Variants in LCT observed in about 807,000 individuals in gnomAD.
The protein encoded by LCT is lactase/phlorizin hydrolase.
A neutral mutation model predicts 173.0 loss-of-function variants in LCT; 90 were observed. The observed-to-expected ratio is 0.52, with a 90% CI of 0.44 to 0.62. The LOEUF is 0.62. Ranked by LOEUF, LCT falls within the 20% of genes least tolerant of loss-of-function variation. LCT has a pLI of 0.00. For missense variants in LCT, 1,864 were observed against 2,431.4 expected, an observed-to-expected ratio of 0.77 and a Z score of 4.91; for synonymous variants, 853 against 957.6, an observed-to-expected ratio of 0.89 and a Z score of 2.02.
At chr2:135,789,845 C>A (rs560128015) in intron 15 of LCT, 47 bp from the exon 16 acceptor site, 1 of 1,513,562 alleles carries the variant, frequency 6.6e-7, no homozygotes, top group Non-Finnish European at 9.2e-7. Flanking sequence ...TCTCATAAGG[C>A]AGCTTCCTGC....
At chr2:135,805,184 C>T (rs2077659569) in intron 9 of LCT, 127 bp from the exon 10 acceptor site, 11 of 925,492 alleles carry the variant, frequency 1.2e-5, no homozygotes, top group South Asian at 9.8e-5. Flanking sequence ...TTAAAACAAG[C>T]ACATTGGTCC....
rs1454730571 is a variant in LCT at position 135,809,629 on chromosome 2, G to A, written c.2718C>T (p.Asp906=). The A allele has an allele frequency of 6.2e-7, 1 of 1,614,234 alleles. No homozygotes were observed. Among genetic ancestry groups the A allele is most frequent in the South Asian group, 1.1e-5 (1 of 91,090 alleles). ...CGGAAGAGGACACGCCCCACAGAAAGTCATCCCGAAACGTCCCGTGGTAGA... is the reference window on the plus strand; with the variant it reads ...CGGAAGAGGACACGCCCCACAGAAAATCATCCCGAAACGTCCCGTGGTAGA... ...DLFYHGTFRD[D]FLWGVSSSAY... The change falls in exon 8 of 17, where the codon GAC becomes GAT. Residue 906 remains aspartate (D), a synonymous_variant. Transcript: ENST00000264162. This position sits in a 1 kb window ranked among gnomAD's most constrained non-coding sequence, Gnocchi z 5.5.
intron 11 of LCT, among the ~76,000 whole-genome samples, chr2:135,803,478 G>T (rs915175057): frequency 6.6e-6 from 1 of 152,232 alleles, no homozygotes; most frequent in African/African-American, 2.4e-5. Context: ...GCAGAACTTA[G>T]GAATGTTTGC....
At chr2:135,825,093 C>A (rs1289178256) in intron 3 of LCT, among the ~76,000 whole-genome samples, 1 of 152,024 alleles carries the variant, frequency 6.6e-6, no homozygotes, top group African/African-American at 2.4e-5. Context: ...ATTTCAGTAT[C>A]AAGGAAAACG....
intron 14 of LCT, among the ~76,000 whole-genome samples, chr2:135,793,999 G>A (rs973825559): frequency 2.0e-5 from 3 of 151,156 alleles, no homozygotes. Flanking sequence ...AATTAGCCAG[G>A]CGTGGAGGTA....
In LCT at chr2:135,836,838, T is replaced by C. The variant is rs1679412139; in HGVS notation, c.332A>G (p.Gln111Arg). Residue 111 changes from glutamine to arginine, a missense_variant, in exon 1 of 17, where the codon CAG (glutamine) becomes CGG (arginine). Transcript: ENST00000264162. ...STQNPDEKTVQCYRRLLKALK... is the reference protein window; with the variant it reads ...STQNPDEKTVRCYRRLLKALK... ...GGCCTTGAGGAGTCGCCGGTAGCAC[T>C]GCACTGTTTTCTCGTCTGGATTCTG... 1 of 1,614,194 alleles carries C rather than the reference T, an allele frequency of 6.2e-7. No homozygotes were observed. Among genetic ancestry groups the C allele is most frequent in the Non-Finnish European group, 8.5e-7 (1 of 1,180,038 alleles).
At chr2:135,832,700 G>A (rs1196345743) in intron 2 of LCT, among the ~76,000 whole-genome samples, 5 of 151,924 alleles carry the variant, frequency 3.3e-5, no homozygotes, top group African/African-American at 4.8e-5. Context: ...GCCCAGGCTG[G>A]TCTCAAACTC....
intron 14 of LCT, chr2:135,794,234 A>G (rs928072432): frequency 6.2e-6 from 1 of 161,530 alleles, no homozygotes; most frequent in Non-Finnish European, 1.4e-5. Context: ...AAGAGAAAAT[A>G]AAATTTTACT....
In LCT at chr2:135,812,470, TC is replaced by T; in HGVS notation, c.2193del (p.Ile732Ter). 1 of 1,614,164 alleles carries T rather than the reference TC, an allele frequency of 6.2e-7. No individual in the cohort carries two copies. The highest frequency in any genetic ancestry group is 8.5e-7 in the Non-Finnish European group (1 of 1,180,030). ...SSSWIRVVPW[G>X]IRRLLQFVSL... ...GATACAAACTGCAACAGCCTCCTTA[TC>T]CCCCAGGGCACCACACGAATCCAAG... On this transcript the variant is annotated frameshift_variant, in exon 7 of 17. Transcript: ENST00000264162. LOFTEE classifies it high-confidence loss of function.
chr2:135,820,561 C>G (rs2077819524), intron 5 of LCT: 1 of 152,274 alleles, frequency 6.6e-6, no homozygotes, highest in Non-Finnish European at 1.5e-5. Flanking sequence ...TCAGGACAGT[C>G]AAGTACTGGA....
chr2:135,812,945 C>A lies in LCT; in HGVS notation c.1719G>T (p.Leu573Phe), dbSNP rs758982989. Reference sequence around the variant, plus strand: ...AAGTTCTGGCATGAGCCTTGAGGACCAAGTGAGCCACCTTGTGAAAAAGTA... The same window carrying A: ...AAGTTCTGGCATGAGCCTTGAGGACAAAGTGAGCCACCTTGTGAAAAAGTA... ...PGVASFKVAHLVLKAHARTWH... is the reference protein window; with the variant it reads ...PGVASFKVAHFVLKAHARTWH... Residue 573 changes from leucine to phenylalanine, a missense_variant, in exon 7 of 17, where the codon TTG (leucine) becomes TTT (phenylalanine). Transcript: ENST00000264162. 1.2e-6 allele frequency: 2 copies of A among 1,614,058 alleles called. No individual in the cohort carries two copies. Among genetic ancestry groups the A allele is most frequent in the Non-Finnish European group, 1.7e-6 (2 of 1,180,004 alleles).
rs1293366242 is a variant in LCT, at chr2:135,825,413, G to A, written c.805-1410C>T. Among the ~76,000 whole-genome samples the A allele has an allele frequency of 2.0e-5, 3 of 152,156 alleles. No individual in the cohort carries two copies. The East Asian group carries it at 5.8e-4, about 29-fold the overall frequency. The stretch of plus-strand genomic sequence containing the variant: ...CCCTGTGCTGGGTCAATGCAGTGGG[G>A]ACAAATGACCCAGGGTGGCGTGCTT... On this transcript the variant is annotated intron_variant, in intron 3 of 16. Coordinates refer to ENST00000264162, the MANE Select transcript of LCT (RefSeq NM_002299.4).
chr2:135,788,590 G>T, intron 16 of LCT, 46 bp from the exon 17 acceptor site: 1 of 1,211,452 alleles, frequency 8.3e-7, no homozygotes, highest in South Asian at 1.2e-5. Flanking sequence ...GCGCTGATTT[G>T]AGTTCTCAGA....
rs531568566 is a variant in LCT at position 135,836,206 on chromosome 2, A to G, written c.640+324T>C. On this transcript the variant is annotated intron_variant, in intron 1 of 16. Transcript: ENST00000264162. Reference sequence around the variant, plus strand: ...GCTAATTTTGGTATTTTTAGTAGAGACGGGGTTTTGCCATATTGGCCAGGC... The same window carrying G: ...GCTAATTTTGGTATTTTTAGTAGAGGCGGGGTTTTGCCATATTGGCCAGGC... 3.2e-4 allele frequency among the ~76,000 whole-genome samples: 48 copies of G among 151,608 alleles called. No homozygotes were observed. The East Asian group carries it at 8.8e-3, about 28-fold the overall frequency.
intron 3 of LCT, among the ~76,000 whole-genome samples, chr2:135,827,370 G>T (rs540019040): frequency 2.9e-4 from 44 of 152,284 alleles, no homozygotes; most frequent in African/African-American, 1.1e-3. Flanking sequence ...TTAAACCTTA[G>T]GGTGTGTTTT....
chr2:135,822,828 G>A (rs60376570), intron 4 of LCT: 24,665 of 153,304 alleles, frequency 0.16, 2,431 homozygotes, highest in South Asian at 0.32. Flanking sequence ...TGAGGGATCC[G>A]CCTTCAGGGA....
chr2:135,796,847 A>C (rs565788710), intron 13 of LCT, among the ~76,000 whole-genome samples: 62 of 151,830 alleles, frequency 4.1e-4, no homozygotes, highest in African/African-American at 1.5e-3. Flanking sequence ...GTTTTGCTGG[A>C]GATCACAGTT....
chr2:135,834,276 C>T (rs2077965484), intron 1 of LCT, among the ~76,000 whole-genome samples: 1 of 151,878 alleles, frequency 6.6e-6, no homozygotes, highest in African/African-American at 2.4e-5. Flanking sequence ...ACCTCCGCCT[C>T]CCAGGTTCAA....
chr2:135,825,649 G>A (rs1202301348), intron 3 of LCT, among the ~76,000 whole-genome samples: 3 of 152,102 alleles, frequency 2.0e-5, no homozygotes, highest in Admixed American at 6.5e-5. Flanking sequence ...GGAGTGTGCC[G>A]CAGCTCTTCA....
Sources: allele counts gnomAD v4.1 joint callset (sites outside exome capture counted in the v4.1 genomes callset), GRCh38; gene constraint gnomAD v4.1.1; non-coding constraint Gnocchi (gnomAD v3.1); transcripts MANE v1.5; gene names NCBI Gene and HGNC (gene_info 2026-07-23, HGNC 2026-07-21).